IQSEC1: variants seen among roughly 807,000 people sequenced by gnomAD.
IQSEC1 encodes IQ motif and SEC7 domain-containing protein 1.
Under a neutral mutation model 91.0 loss-of-function variants are expected in IQSEC1, and 31 were observed. The ratio of observed to expected loss-of-function variants is 0.34; its 90% CI spans 0.26 to 0.46. The LOEUF is 0.46. IQSEC1 is among the 20% of genes least tolerant of loss of function. The probability of loss-of-function intolerance (pLI) is 1.00; values close to 1 mark genes in which losing one functional copy is unlikely to be tolerated. For synonymous variants in IQSEC1, 699 were observed against 662.6 expected (o/e 1.05, Z -0.84); for missense variants, 1,388 against 1,575.6 (o/e 0.88, Z 2.02).
chr3:12,919,208 G>C (rs1053578284), intron 6 of IQSEC1, among the ~76,000 whole-genome samples: 5 of 152,200 alleles, frequency 3.3e-5, no homozygotes, highest in African/African-American at 1.2e-4. Context: ...AAGCTGCCTT[G>C]GTTCCCAGGA....
intron 1 of IQSEC1, among the ~76,000 whole-genome samples, chr3:12,954,435 G>A (rs1031452358): frequency 1.3e-5 from 2 of 152,214 alleles, no homozygotes; most frequent in Non-Finnish European, 2.9e-5. Context: ...GCTGGGAGAG[G>A]CCCTGGGGCA....
intron 2 of IQSEC1, among the ~76,000 whole-genome samples, chr3:13,081,768 C>T (rs184420693): frequency 9.5e-4 from 144 of 152,350 alleles, no homozygotes; most frequent in Middle Eastern, 3.4e-3. Context: ...AAGCTGGCTC[C>T]GACACCGCCT....
intron 1 of IQSEC1, among the ~76,000 whole-genome samples, chr3:13,167,039 ATG>A (rs772338505): frequency 6.6e-5 from 10 of 152,286 alleles, no homozygotes; most frequent in Non-Finnish European, 1.0e-4. Flanking sequence ...ACATGTGTGC[ATG>A]TGTGTACGTG....
At chr3:13,012,300 C>T (rs942730718) in intron 1 of IQSEC1, among the ~76,000 whole-genome samples, 5 of 152,160 alleles carry the variant, frequency 3.3e-5, no homozygotes, top group Admixed American at 6.5e-5. Flanking sequence ...CCCTCAGTTG[C>T]CATTTGCCAG....
At chr3:12,947,421 C>T (rs1186470408) in intron 1 of IQSEC1, among the ~76,000 whole-genome samples, 2 of 151,922 alleles carry the variant, frequency 1.3e-5, no homozygotes, top group Non-Finnish European at 2.9e-5. Context: ...GAGGTCTCAG[C>T]TTAACCCCAC....
At chr3:13,031,915 A>AGCC (rs1303906797) in intron 1 of IQSEC1, among the ~76,000 whole-genome samples, 4 of 152,154 alleles carry the variant, frequency 2.6e-5, no homozygotes, top group African/African-American at 9.7e-5. Context: ...CCCTGCAGCC[A>AGCC]GCCCTCAGCA....
intron 1 of IQSEC1, among the ~76,000 whole-genome samples, chr3:12,973,854 C>T (rs1701025470): frequency 6.6e-6 from 1 of 152,134 alleles, no homozygotes; most frequent in South Asian, 2.1e-4. Context: ...AAGCAGGGAG[C>T]ACTTCCCCAG....
rs1352468850 is a variant in IQSEC1 at position 13,193,852 on chromosome 3, T to G, written c.273-29719A>C. Among the ~76,000 whole-genome samples the G allele has an allele frequency of 6.6e-6, 1 of 152,180 alleles. No individual in the cohort carries two copies. The highest frequency in any genetic ancestry group is 6.5e-5 in the Admixed American group (1 of 15,280). Reference sequence around the variant, plus strand: ...TCCACCAGCGGCCAGCAGCTTCCAGTGTCCATCAGTCAACCGGGCTGACAA... The same window carrying G: ...TCCACCAGCGGCCAGCAGCTTCCAGGGTCCATCAGTCAACCGGGCTGACAA... On this transcript the variant is annotated intron_variant, in intron 1 of 15. Transcript: ENST00000648114. This position sits in a 1 kb window ranked among gnomAD's most constrained non-coding sequence, Gnocchi z 4.2.
At chr3:13,148,109 T>G (rs1171140134) in intron 2 of IQSEC1, among the ~76,000 whole-genome samples, 1 of 152,270 alleles carries the variant, frequency 6.6e-6, no homozygotes, top group African/African-American at 2.4e-5. Flanking sequence ...CTTTTCACCA[T>G]GTCCACACCA....
intron 1 of IQSEC1, among the ~76,000 whole-genome samples, chr3:12,991,871 C>T (rs1301984855): frequency 6.7e-6 from 1 of 148,350 alleles, no homozygotes; most frequent in African/African-American, 2.5e-5. Context: ...GGACAGCAGG[C>T]ATGGGACAGG....
intron 1 of IQSEC1, among the ~76,000 whole-genome samples, chr3:13,209,159 C>T (rs1040763289): frequency 5.9e-5 from 9 of 152,218 alleles, no homozygotes; most frequent in Admixed American, 5.2e-4. Flanking sequence ...CACATGTGGG[C>T]AGACACTGGA....
intron 2 of IQSEC1, among the ~76,000 whole-genome samples, chr3:12,939,278 A>C (rs1340940115): frequency 6.6e-6 from 1 of 152,204 alleles, no homozygotes; most frequent in Non-Finnish European, 1.5e-5. Flanking sequence ...TGTCCCTTCA[A>C]GGGAAACTTC....
rs757058625 is a variant in IQSEC1, at chr3:12,941,660, G to A, written c.229C>T (p.Leu77=). 3.1e-6 allele frequency: 5 copies of A among 1,612,900 alleles called. No individual in the cohort carries two copies. Among genetic ancestry groups the A allele is most frequent in the Non-Finnish European group, 3.4e-6 (4 of 1,179,924 alleles). Residue 77 remains leucine (L), a synonymous_variant, in exon 2 of 14, where the codon CTG becomes TTG. Coordinates refer to ENST00000613206, the MANE Select transcript of IQSEC1 (RefSeq NM_001134382.3). The part of the protein sequence containing the change: ...RPKLQHSTSI[L]RKQAEEEAIK... Reference sequence around the variant, plus strand: ...GCCTCCTCCTCAGCCTGCTTGCGCAGGATGGAGGTCGAGTGCTGCAGCTTG... The same window carrying A: ...GCCTCCTCCTCAGCCTGCTTGCGCAAGATGGAGGTCGAGTGCTGCAGCTTG...
chr3:13,067,905 C>T (rs1259384159), intron 1 of IQSEC1, among the ~76,000 whole-genome samples: 1 of 152,240 alleles, frequency 6.6e-6, no homozygotes, highest in Non-Finnish European at 1.5e-5. Context: ...GGTGCCAGGT[C>T]CTTTAGGGGC....
intron 2 of IQSEC1, among the ~76,000 whole-genome samples, chr3:13,085,560 G>T (rs1705722119): frequency 1.3e-5 from 2 of 152,354 alleles, no homozygotes; most frequent in East Asian, 1.9e-4. Flanking sequence ...AGGAGACGGG[G>T]TGTCCAGCTG....
At chr3:13,034,589 C>G (rs1005822196) in intron 1 of IQSEC1, among the ~76,000 whole-genome samples, 1 of 152,180 alleles carries the variant, frequency 6.6e-6, no homozygotes, top group African/African-American at 2.4e-5. Context: ...GCTCTCTGGA[C>G]GGGCTCAGTG....
chr3:13,142,864 T>C (rs1463606770), intron 2 of IQSEC1, among the ~76,000 whole-genome samples: 1 of 152,222 alleles, frequency 6.6e-6, no homozygotes, highest in Non-Finnish European at 1.5e-5. Context: ...CATCCGGCTA[T>C]TGCCTACTCC....
intron 1 of IQSEC1, among the ~76,000 whole-genome samples, chr3:13,003,572 T>C (rs1233825715): frequency 6.6e-6 from 1 of 152,208 alleles, no homozygotes; most frequent in Non-Finnish European, 1.5e-5. Context: ...TCTGTAAATA[T>C]AGTAATAATA....
In IQSEC1 at chr3:13,226,589, C is replaced by CAAA. The variant is rs59319538; in HGVS notation, c.272+56119_272+56121dup. Reference sequence around the variant, plus strand: ...CAGCATAGTGAGACCCCATCTCTACCAAAAAAAAAAAAAAATGGTTAAAAA... The same window carrying CAAA: ...CAGCATAGTGAGACCCCATCTCTACCAAAAAAAAAAAAAAAAAATGGTTAAAAA... On this transcript the variant is annotated intron_variant, in intron 1 of 15. Coordinates refer to the IQSEC1 transcript ENST00000648114. Among the ~76,000 whole-genome samples, 990 of 144,392 alleles carry CAAA rather than the reference C, an allele frequency of 6.9e-3. 12 individuals are homozygous for CAAA. The highest frequency in any genetic ancestry group is 0.023 in the African/African-American group (925 of 39,468). The allele number at this position is 144,392 out of a possible 152,430, so 94.7% of individuals were successfully genotyped here.
Sources: allele counts gnomAD v4.1 joint callset (sites outside exome capture counted in the v4.1 genomes callset), GRCh38; gene constraint gnomAD v4.1.1; non-coding constraint Gnocchi (gnomAD v3.1); transcripts MANE v1.5; gene names NCBI Gene and HGNC (gene_info 2026-07-23, HGNC 2026-07-21).